The following NCKAP5 variants were observed in gnomAD, a reference collection of about 807,000 sequenced individuals.
NCKAP5 encodes the protein NCK associated protein 5.
Under a neutral mutation model 167.0 loss-of-function variants are expected in NCKAP5, and 92 were observed. The ratio of observed to expected loss-of-function variants is 0.55; its 90% CI spans 0.47 to 0.66. The LOEUF (loss-of-function observed/expected upper bound fraction) is 0.66. Ranked by LOEUF, NCKAP5 falls within the 30% of genes least tolerant of loss-of-function variation. NCKAP5 has a pLI of 0.00. For missense variants in NCKAP5, 2,378 were observed against 2,315.0 expected, an observed-to-expected ratio of 1.03 and a Z score of -0.56; for synonymous variants, 891 against 877.4, an observed-to-expected ratio of 1.02 and a Z score of -0.27.
At chr2:133,484,315 T>C in intron 3 of NCKAP5, among the ~76,000 whole-genome samples, 1 of 152,096 alleles carries the variant, frequency 6.6e-6, no homozygotes, top group Non-Finnish European at 1.5e-5. Flanking sequence ...TGGTTATGAT[T>C]TGCTTCTAGG....
At chr2:132,971,165 G>A (rs2076823695) in intron 7 of NCKAP5, among the ~76,000 whole-genome samples, 1 of 152,194 alleles carries the variant, frequency 6.6e-6, no homozygotes, top group Non-Finnish European at 1.5e-5. Flanking sequence ...AATGTCAGGA[G>A]CAAACATAAA....
chr2:133,012,366 G>A (rs562938760), intron 6 of NCKAP5, among the ~76,000 whole-genome samples: 151 of 152,228 alleles, frequency 9.9e-4, no homozygotes, highest in Non-Finnish European at 1.8e-3. Flanking sequence ...TCCTGCCTCA[G>A]CCTCCCTAGC....
At chr2:133,337,054 TC>T (rs1348139070) in intron 3 of NCKAP5, among the ~76,000 whole-genome samples, 1 of 152,180 alleles carries the variant, frequency 6.6e-6, no homozygotes, top group African/African-American at 2.4e-5. Flanking sequence ...TCAACAGACT[TC>T]CTGTGGCCAT....
intron 4 of NCKAP5, among the ~76,000 whole-genome samples, chr2:133,286,407 A>T (rs1679145597): frequency 6.6e-6 from 1 of 152,236 alleles, no homozygotes; most frequent in African/African-American, 2.4e-5. Context: ...GTAGTGGAGA[A>T]AAAAGAAAGG....
intron 8 of NCKAP5, among the ~76,000 whole-genome samples, chr2:132,906,981 C>T (rs1694055686): frequency 6.6e-6 from 1 of 152,192 alleles, no homozygotes; most frequent in Admixed American, 6.5e-5. Flanking sequence ...AGAAAATTTA[C>T]TGAACTTACA....
chr2:132,884,252 G>A (rs933654268), intron 8 of NCKAP5, among the ~76,000 whole-genome samples: 19 of 152,276 alleles, frequency 1.2e-4, no homozygotes, highest in East Asian at 7.7e-4. Context: ...CTGATCATCC[G>A]TTTGCCCTTT....
chr2:133,192,411 C>T (rs1048091228), intron 5 of NCKAP5, among the ~76,000 whole-genome samples: 1 of 152,028 alleles, frequency 6.6e-6, no homozygotes. Context: ...ACCTGGGCAT[C>T]ATCGAAATGA....
rs572422349 is a variant in NCKAP5 at position 133,548,894 on chromosome 2, T to C, written c.-62+10156A>G. Among the ~76,000 whole-genome samples the C allele has an allele frequency of 2.9e-4, 44 of 151,806 alleles. No homozygotes were observed. The South Asian group carries it at 8.9e-3, about 31-fold the overall frequency. On this transcript the variant is annotated intron_variant, in intron 2 of 19. Coordinates refer to ENST00000409261, the MANE Select transcript of NCKAP5 (RefSeq NM_207363.3). ...CACATAACAATATTAACTTTAAATGTAAATGGACTAAATGCTCCAATTAAA... is the reference window on the plus strand; with the variant it reads ...CACATAACAATATTAACTTTAAATGCAAATGGACTAAATGCTCCAATTAAA...
At chr2:132,909,841 T>G (rs1694304414) in intron 8 of NCKAP5, among the ~76,000 whole-genome samples, 1 of 152,214 alleles carries the variant, frequency 6.6e-6, no homozygotes. Context: ...AATCATATGA[T>G]TTTTCTTCTT....
chr2:132,951,693 A>T (rs2149148214), intron 8 of NCKAP5, among the ~76,000 whole-genome samples: 1 of 152,332 alleles, frequency 6.6e-6, no homozygotes, highest in East Asian at 1.9e-4. Context: ...AAGTCAAGCC[A>T]ATACCTATAT....
In NCKAP5 at chr2:133,423,382, C is replaced by T. The variant is rs893459439; in HGVS notation, c.69+94076G>A. Among the ~76,000 whole-genome samples the T allele has an allele frequency of 2.6e-5, 4 of 152,160 alleles. No homozygotes were observed. The South Asian group carries it at 6.2e-4, about 24-fold the overall frequency. On this transcript the variant is annotated intron_variant, in intron 3 of 19. Coordinates refer to ENST00000409261, the MANE Select transcript of NCKAP5 (RefSeq NM_207363.3). ...TTTGATTTCAGCCCATTAATACATT[C>T]GCATTGAATGTTGAATCGTCATGAA...
At chr2:132,847,892 A>T (rs1688787452) in intron 11 of NCKAP5, among the ~76,000 whole-genome samples, 1 of 152,190 alleles carries the variant, frequency 6.6e-6, no homozygotes, top group South Asian at 2.1e-4. Context: ...GAGGACTGAG[A>T]AGGATTGATT....
chr2:133,026,220 G>C (rs895305771), intron 6 of NCKAP5, among the ~76,000 whole-genome samples: 3 of 151,884 alleles, frequency 2.0e-5, no homozygotes, highest in African/African-American at 7.3e-5. Context: ...ATTTGTTTAG[G>C]TTCCTTGTAG....
chr2:132,917,241 A>T (rs2148981347), intron 8 of NCKAP5, among the ~76,000 whole-genome samples: 1 of 152,348 alleles, frequency 6.6e-6, no homozygotes, highest in African/African-American at 2.4e-5. Flanking sequence ...GTTTGGCAGA[A>T]AAATGACTTA....
At chr2:133,655,513 G>A in the NCKAP5 span, among the ~76,000 whole-genome samples, 6 of 152,116 alleles carry the variant, frequency 3.9e-5, no homozygotes, top group Non-Finnish European at 5.9e-5. Context: ...GACACCCACT[G>A]AGATCCAGTA....
At chr2:133,111,783 G>A (rs2081922797) in intron 6 of NCKAP5, among the ~76,000 whole-genome samples, 1 of 152,220 alleles carries the variant, frequency 6.6e-6, no homozygotes. Context: ...ACACTGGGCT[G>A]TGATGAACAT....
At chr2:133,593,248 A>G in the NCKAP5 span, among the ~76,000 whole-genome samples, 1 of 152,198 alleles carries the variant, frequency 6.6e-6, no homozygotes, top group Non-Finnish European at 1.5e-5. Flanking sequence ...CCAGAATTGT[A>G]TACACATTTG....
chr2:132,984,298 G>T (rs1249407906), intron 7 of NCKAP5, among the ~76,000 whole-genome samples: 1 of 152,150 alleles, frequency 6.6e-6, no homozygotes, highest in African/African-American at 2.4e-5. Flanking sequence ...CAGGTGGGTT[G>T]TGAACCCCAA....
At chr2:133,269,931 G>A (rs1574557252) in intron 4 of NCKAP5, among the ~76,000 whole-genome samples, 1 of 152,322 alleles carries the variant, frequency 6.6e-6, no homozygotes, top group Non-Finnish European at 1.5e-5. Context: ...AAAGAAAAGA[G>A]GGAGTAAAGA....
Sources: allele counts gnomAD v4.1 joint callset (sites outside exome capture counted in the v4.1 genomes callset), GRCh38; gene constraint gnomAD v4.1.1; transcripts MANE v1.5; gene names NCBI Gene and HGNC (gene_info 2026-07-23, HGNC 2026-07-21).